KLHL1: variants seen among roughly 807,000 people sequenced by gnomAD.
KLHL1 encodes kelch like family member 1, also known as kelch-like protein 1.
A neutral mutation model predicts 77.7 loss-of-function variants in KLHL1; 47 were observed. The ratio of observed to expected loss-of-function variants is 0.60; its 90% CI spans 0.48 to 0.77. The LOEUF is 0.77. Among genes scored for constraint, KLHL1 ranks in the 30% least tolerant of loss-of-function variants. The pLI is 0.00. For missense variants in KLHL1, 925 were observed against 910.8 expected (o/e 1.02, Z -0.20); for synonymous variants, 360 against 325.2 (o/e 1.11, Z -1.15).
rs1278449202 is a variant in KLHL1, at chr13:69,745,346, G to C, written c.1640-4790C>G. Among the ~76,000 whole-genome samples the C allele has an allele frequency of 5.9e-5, 9 of 151,886 alleles. No individual in the cohort carries two copies. The South Asian group carries it at 1.7e-3, about 28-fold the overall frequency. On this transcript the variant is annotated intron_variant, in intron 7 of 10. Transcript: ENST00000377844. ...ATTTTATCAATTTGTAGTAGTTCTTGTAATCAATTTTAAATATGGATATAA... is the reference window on the plus strand; with the variant it reads ...ATTTTATCAATTTGTAGTAGTTCTTCTAATCAATTTTAAATATGGATATAA...
chr13:69,887,218 A>C (rs1881252831), intron 4 of KLHL1, among the ~76,000 whole-genome samples: 1 of 152,162 alleles, frequency 6.6e-6, no homozygotes, highest in South Asian at 2.1e-4. Context: ...TAGAAAAATT[A>C]ATCTTTTGAC....
chr13:69,878,242 GT>G (rs11454973), intron 5 of KLHL1, among the ~76,000 whole-genome samples: 171 of 150,808 alleles, frequency 1.1e-3, no homozygotes, highest in African/African-American at 3.6e-3. Flanking sequence ...GGAAACATCT[GT>G]TTTTTTTTAT....
At chr13:70,069,997 T>C (rs903696918) in intron 1 of KLHL1, among the ~76,000 whole-genome samples, 4 of 151,754 alleles carry the variant, frequency 2.6e-5, no homozygotes, top group Non-Finnish European at 5.9e-5. Context: ...TGAAACCCCG[T>C]CTCCACTAAA....
At chr13:69,709,887 A>G (rs554829409) in intron 9 of KLHL1, among the ~76,000 whole-genome samples, 120 of 142,718 alleles carry the variant, frequency 8.4e-4, no homozygotes, top group African/African-American at 2.7e-3. Flanking sequence ...TCTAGTACAA[A>G]TAACTTTAAA....
At chr13:69,779,192 T>C (rs1156412617) in intron 7 of KLHL1, among the ~76,000 whole-genome samples, 1 of 152,128 alleles carries the variant, frequency 6.6e-6, no homozygotes, top group Non-Finnish European at 1.5e-5. Context: ...AAGTACATAA[T>C]GCATTGAAAA....
chr13:70,031,722 G>T (rs915909962), intron 1 of KLHL1, among the ~76,000 whole-genome samples: 1 of 152,144 alleles, frequency 6.6e-6, no homozygotes, highest in Non-Finnish European at 1.5e-5. Context: ...AGGCACAAAG[G>T]CTATTTGATT....
chr13:69,933,243 C>G (rs1883065437), intron 4 of KLHL1, among the ~76,000 whole-genome samples: 1 of 151,800 alleles, frequency 6.6e-6, no homozygotes, highest in African/African-American at 2.4e-5. Flanking sequence ...AGGAGTAACA[C>G]AAAATGATAA....
intron 1 of KLHL1, among the ~76,000 whole-genome samples, chr13:70,100,049 A>G (rs1346321456): frequency 2.0e-5 from 3 of 151,996 alleles, no homozygotes; most frequent in Non-Finnish European, 4.4e-5. Flanking sequence ...GTAAATTTTT[A>G]GAATAAACTC....
chr13:70,069,951 G>A (rs929683200), intron 1 of KLHL1, among the ~76,000 whole-genome samples: 3 of 151,874 alleles, frequency 2.0e-5, no homozygotes, highest in African/African-American at 4.8e-5. Flanking sequence ...GGCAGATCAC[G>A]AGGTCAGTAG....
intron 1 of KLHL1, among the ~76,000 whole-genome samples, chr13:70,104,171 T>C (rs926336321): frequency 6.6e-6 from 1 of 152,192 alleles, no homozygotes; most frequent in African/African-American, 2.4e-5. Context: ...GGAAATCATA[T>C]ACTTTCTAAT....
At chr13:69,702,832 C>T (rs1053741425) in intron 10 of KLHL1, among the ~76,000 whole-genome samples, 5 of 151,598 alleles carry the variant, frequency 3.3e-5, no homozygotes, top group African/African-American at 1.2e-4. Context: ...AGGGAAGGAG[C>T]ATGTGAATAT....
At position 69,858,204 on chromosome 13, in the gene KLHL1, T is replaced by A. The variant is rs529250633; in HGVS notation, c.1228-19042A>T. On this transcript the variant is annotated intron_variant, in intron 5 of 10. Transcript: ENST00000377844. ...GAGAAGAGTATGTGGAAGAAAAACA[T>A]CTCCATCCACTACTGTTAAGACATA... is the stretch of plus-strand genomic sequence containing the variant. Among the ~76,000 whole-genome samples, 5 of 152,074 alleles carry A rather than the reference T, an allele frequency of 3.3e-5. No homozygotes were observed. The South Asian group carries it at 6.2e-4, about 19-fold the overall frequency.
Position 69,882,270 on chromosome 13 carries a change from CACACATCATTA to C in KLHL1, c.1227+2_1227+12del, listed in dbSNP as rs1486900722. On this transcript the variant is annotated splice_donor_variant and splice_donor_5th_base_variant and intron_variant, in intron 5 of 10. Transcript: ENST00000377844. LOFTEE classifies it high-confidence loss of function. ...TACATTGAATCTATTTAAACAGCGT[CACACATCATTA>C]CCTGTGGTGGAAGCAGTGGCAGTCT... The C allele has an allele frequency of 1.3e-6, 2 of 1,576,718 alleles. No individual in the cohort carries two copies. The highest frequency in any genetic ancestry group is 1.7e-6 in the Non-Finnish European group (2 of 1,146,320).
intron 3 of KLHL1, among the ~76,000 whole-genome samples, chr13:69,942,665 C>T (rs1883403406): frequency 6.6e-6 from 1 of 152,060 alleles, no homozygotes; most frequent in Non-Finnish European, 1.5e-5. Flanking sequence ...TAACATTTTG[C>T]TATATGTATG....
At chr13:69,884,269 A>G (rs1482803788) in intron 4 of KLHL1, among the ~76,000 whole-genome samples, 2 of 152,018 alleles carry the variant, frequency 1.3e-5, no homozygotes, top group East Asian at 3.9e-4. Flanking sequence ...ATTTATACTG[A>G]TTGGCTTCCC....
rs565304555 is a variant in KLHL1, at chr13:70,080,648, G to A, written c.497+26555C>T. Reference sequence around the variant, plus strand: ...AGGCTTGTTCTGTCACCAGGCTGGGGTGCAGTGTCGTGATCTTGGCTCACG... The same window carrying A: ...AGGCTTGTTCTGTCACCAGGCTGGGATGCAGTGTCGTGATCTTGGCTCACG... On this transcript the variant is annotated intron_variant, in intron 1 of 10. Coordinates refer to ENST00000377844, the MANE Select transcript of KLHL1 (RefSeq NM_020866.3). Among the ~76,000 whole-genome samples the A allele has an allele frequency of 4.9e-4, 74 of 152,100 alleles. 1 individual carries two copies. The South Asian group carries it at 0.015, about 31-fold the overall frequency.
chr13:69,873,155 A>G (rs1880646431), intron 5 of KLHL1, among the ~76,000 whole-genome samples: 1 of 152,324 alleles, frequency 6.6e-6, no homozygotes, highest in Non-Finnish European at 1.5e-5. Flanking sequence ...ATGAAACTTA[A>G]TATACTTTCC....
At chr13:69,719,182 A>ATG (rs1400277561) in intron 9 of KLHL1, among the ~76,000 whole-genome samples, 187 bp downstream of exon 9, 1 of 29,744 alleles carries the variant, frequency 3.4e-5, no homozygotes, top group Non-Finnish European at 9.2e-5. Context: ...AAAAGAAAGT[A>ATG]CGTGTGTGTG....
Position 70,024,002 on chromosome 13 carries a change from G to A in KLHL1, c.498-48200C>T, listed in dbSNP as rs566758533. ...GCCTCCTCAAGCATTTTCTCTTGAT[G>A]TCTGTCAAAAATGTTTATCATGAGT... On this transcript the variant is annotated intron_variant, in intron 1 of 10. Transcript: ENST00000377844. Among the ~76,000 whole-genome samples the A allele has an allele frequency of 6.6e-5, 10 of 151,808 alleles. No homozygotes were observed. The South Asian group carries it at 2.1e-3, about 31-fold the overall frequency.
Sources: gnomAD v4.1 joint callset for allele counts (sites outside exome capture counted in the v4.1 genomes callset) on GRCh38, gnomAD v4.1.1 for gene constraint, MANE v1.5 for transcripts, NCBI Gene and HGNC (gene_info 2026-07-23, HGNC 2026-07-21) for gene names.